The following DACT2 variants were observed in gnomAD, a reference collection of about 807,000 sequenced individuals.
DACT2 encodes dapper homolog 2.
In DACT2, 20 loss-of-function variants were observed where a neutral mutation model predicts 22.2. That is an observed-to-expected ratio of 0.90 (90% confidence interval 0.63 to 1.31). The LOEUF (loss-of-function observed/expected upper bound fraction) is 1.31. Ranked by LOEUF, DACT2 falls within the 50% of genes most tolerant of loss-of-function variation. The pLI is 0.00. For missense variants in DACT2, 1,048 were observed against 1,061.4 expected (o/e 0.99, Z 0.18); for synonymous variants, 463 against 479.8 (o/e 0.96, Z 0.46).
downstream of DACT2, among the ~76,000 whole-genome samples, chr6:168,306,571 T>C (rs976464918): frequency 2.0e-5 from 3 of 151,962 alleles, no homozygotes; most frequent in African/African-American, 7.3e-5. Context: ...GCCTCCCAAG[T>C]AGCTGGGATT....
intron 1 of DACT2, among the ~76,000 whole-genome samples, chr6:168,312,310 C>T (rs576515791): frequency 1.3e-5 from 2 of 152,122 alleles, no homozygotes; most frequent in Non-Finnish European, 2.9e-5. Context: ...GATCCTCCCA[C>T]CTCAGCCGCC....
chr6:168,314,695 A>G (rs1779504306), intron 1 of DACT2, among the ~76,000 whole-genome samples: 1 of 152,226 alleles, frequency 6.6e-6, no homozygotes, highest in Non-Finnish European at 1.5e-5. Flanking sequence ...GAGGATAAAC[A>G]TGAAAAATGC....
chr6:168,314,002 AACCCCGACCGCG>A (rs1779487080), intron 1 of DACT2, among the ~76,000 whole-genome samples: 1 of 93,380 alleles, frequency 1.1e-5, no homozygotes, highest in Non-Finnish European at 2.3e-5. Flanking sequence ...CCGCGCTTGT[AACCCCGACCGCG>A]CTTGTAACCC....
chr6:168,314,098 C>T (rs1779489740), intron 1 of DACT2, among the ~76,000 whole-genome samples: 2 of 152,166 alleles, frequency 1.3e-5, no homozygotes, highest in African/African-American at 4.8e-5. Context: ...AGACATTGTG[C>T]TCACAGTCAC....
rs1274906868 is a variant in DACT2 at position 168,318,936 on chromosome 6, C to T, written c.246+452G>A. Among the ~76,000 whole-genome samples, 4 of 151,326 alleles carry T rather than the reference C, an allele frequency of 2.6e-5. No individual in the cohort carries two copies. In the East Asian group the frequency reaches 7.9e-4, roughly 30 times the overall value. On this transcript the variant is annotated intron_variant, in intron 1 of 3. Coordinates refer to ENST00000366795, the MANE Select transcript of DACT2 (RefSeq NM_214462.5). ...CGGGGTGCGCTTTACCACGCGGACA[C>T]TGTTGCCCCTAACCCAAGACAGCAG...
At position 168,314,130 on chromosome 6, in the gene DACT2, G is replaced by A. The variant is rs138775348; in HGVS notation, c.247-2846C>T. ...TCACAAAATATATGTGGCCAGGAAG[G>A]AGGACAGTCCACTGCAAGGCCAGCC... On this transcript the variant is annotated intron_variant, in intron 1 of 3. Coordinates refer to ENST00000366795, the MANE Select transcript of DACT2 (RefSeq NM_214462.5). Among the ~76,000 whole-genome samples, 787 of 152,322 alleles carry A rather than the reference G, an allele frequency of 5.2e-3. 9 individuals carry two copies. Among genetic ancestry groups the A allele is most frequent in the Middle Eastern group, 0.024 (7 of 294 alleles).
chr6:168,318,154 G>A (rs1219234103), intron 1 of DACT2, among the ~76,000 whole-genome samples: 2 of 152,250 alleles, frequency 1.3e-5, no homozygotes, highest in Admixed American at 6.5e-5. Context: ...CAGAGGCTGC[G>A]ATTGTGTCTG....
At chr6:168,318,558 T>G (rs1779568334) in intron 1 of DACT2, among the ~76,000 whole-genome samples, 1 of 152,246 alleles carries the variant, frequency 6.6e-6, no homozygotes, top group Non-Finnish European at 1.5e-5. Context: ...AAACATATCT[T>G]TCTCCAGCCT....
downstream of DACT2, among the ~76,000 whole-genome samples, chr6:168,304,894 T>C (rs2114899778): frequency 6.6e-6 from 1 of 152,276 alleles, no homozygotes; most frequent in Admixed American, 6.5e-5. Flanking sequence ...GCAGGAGGGC[T>C]AGGGAACCCT....
At chr6:168,314,488 C>G (rs892129844) in intron 1 of DACT2, among the ~76,000 whole-genome samples, 3 of 152,152 alleles carry the variant, frequency 2.0e-5, no homozygotes, top group Admixed American at 6.5e-5. Context: ...TTCCCAGGGA[C>G]CACACAAGTT....
chr6:168,319,596 C>T lies in DACT2; in HGVS notation c.38G>A (p.Trp13Ter), dbSNP rs1481541887. The part of the protein sequence containing the change: ...TPGGPPGSAG[W>*]DRRRLGARLR... Reference sequence around the variant, plus strand: ...CCTCGCGCCCAACCTACGGCGGTCCCAGCCCGCGGACCCCGGGGGTCCGCC... The same window carrying T: ...CCTCGCGCCCAACCTACGGCGGTCCTAGCCCGCGGACCCCGGGGGTCCGCC... The change falls in exon 1 of 4, where the codon TGG becomes TAG. Residue 13 changes from tryptophan (W) to a stop codon, truncating the protein, a stop_gained. Transcript: ENST00000366795. LOFTEE classifies it high-confidence loss of function. 3.0e-6 allele frequency: 4 copies of T among 1,350,592 alleles called. No homozygotes were observed. In the East Asian group the frequency reaches 9.7e-5, roughly 33 times the overall value. The allele number at this position is 1,350,592 out of a possible 1,614,324, so 83.7% of individuals were successfully genotyped here. A position where few individuals can be genotyped will look rare whatever the true frequency, so the allele number is the denominator to read the frequency against.
chr6:168,293,969 G>A, intron 5 of DACT2: 1 of 703,394 alleles, frequency 1.4e-6, no homozygotes, highest in East Asian at 2.7e-5. Context: ...AGGGATGACA[G>A]AGATTACTTG....
At chr6:168,318,611 T>C (rs771783997) in intron 1 of DACT2, among the ~76,000 whole-genome samples, 1 of 152,190 alleles carries the variant, frequency 6.6e-6, no homozygotes, top group Non-Finnish European at 1.5e-5. Flanking sequence ...ACGAAAACGC[T>C]TGTGAGTTGT....
At chr6:168,302,810 C>T (rs1257352128), downstream of DACT2, among the ~76,000 whole-genome samples, 1 of 152,188 alleles carries the variant, frequency 6.6e-6, no homozygotes, top group Admixed American at 6.5e-5. Flanking sequence ...TTTCACCAGA[C>T]AAGCCCCCTT....
chr6:168,311,603 C>CAAACACACACACCCAT (rs1562498601), intron 1 of DACT2, among the ~76,000 whole-genome samples: 1 of 149,722 alleles, frequency 6.7e-6, no homozygotes, highest in African/African-American at 2.5e-5. Flanking sequence ...CACATACACA[C>CAAACACACACACCCAT]ACACTCACAC....
At chr6:168,293,955 C>T in intron 5 of DACT2, 2 of 703,428 alleles carry the variant, frequency 2.8e-6, no homozygotes, top group Non-Finnish European at 5.2e-6. Context: ...TAAGTGACGT[C>T]CCCAGGGATG....
At chr6:168,304,891 G>A (rs1394011158), downstream of DACT2, among the ~76,000 whole-genome samples, 1 of 152,168 alleles carries the variant, frequency 6.6e-6, no homozygotes, top group East Asian at 1.9e-4. Context: ...GGGGCAGGAG[G>A]GCTAGGGAAC....
chr6:168,303,170 C>T (rs577307385), downstream of DACT2, among the ~76,000 whole-genome samples: 330 of 152,222 alleles, frequency 2.2e-3, 1 homozygote, highest in African/African-American at 7.5e-3. Context: ...GATGCGCTCC[C>T]GTTTTCCATC....
At chr6:168,313,757 G>GCC (rs1256298866) in intron 1 of DACT2, among the ~76,000 whole-genome samples, 1 of 152,150 alleles carries the variant, frequency 6.6e-6, no homozygotes, top group Non-Finnish European at 1.5e-5. Flanking sequence ...AAGGAGGGAA[G>GCC]CCCCTGCACC....
Sources: gnomAD v4.1 joint callset for allele counts (sites outside exome capture counted in the v4.1 genomes callset) on GRCh38, gnomAD v4.1.1 for gene constraint, MANE v1.5 for transcripts, NCBI Gene and HGNC (gene_info 2026-07-23, HGNC 2026-07-21) for gene names.